The following IQCB1 variants were observed in gnomAD, a reference collection of about 807,000 sequenced individuals.
IQCB1 encodes the protein IQ calmodulin-binding motif-containing protein 1.
In IQCB1, 56 loss-of-function variants were observed where a neutral mutation model predicts 84.4. The ratio of observed to expected loss-of-function variants is 0.66; its 90% CI spans 0.54 to 0.83. IQCB1 has a LOEUF of 0.83. IQCB1 is among the 40% of genes least tolerant of loss of function. IQCB1 has a pLI of 0.00. For synonymous variants in IQCB1, 210 were observed against 234.8 expected (o/e 0.89, Z 0.96); for missense variants, 629 against 682.1 (o/e 0.92, Z 0.87).
At chr3:121,786,207 A>AGAGAAGAG (rs1948730626) in intron 12 of IQCB1, among the ~76,000 whole-genome samples, 2 of 146,506 alleles carry the variant, frequency 1.4e-5, no homozygotes, top group African/African-American at 5.2e-5. Flanking sequence ...AAAGAAAAGA[A>AGAGAAGAG]AAGAAAAGGA....
At chr3:121,815,536 G>C (rs1471917526) in intron 5 of IQCB1, among the ~76,000 whole-genome samples, 1 of 152,116 alleles carries the variant, frequency 6.6e-6, no homozygotes, top group African/African-American at 2.4e-5. Flanking sequence ...ACCTCCTTAA[G>C]CTGATAAGCA....
rs1164982375 is a variant in IQCB1 at position 121,781,980 on chromosome 3, C to CTGGGGGAAA, written c.1279-107_1279-106insTTTCCCCCA. 1.1e-4 allele frequency: 130 copies of CTGGGGGAAA among 1,143,980 alleles called. 1 individual carries two copies. In the East Asian group the frequency reaches 3.0e-3, roughly 26 times the overall value. The allele number at this position is 1,143,980 out of a possible 1,614,324, so 70.9% of individuals were successfully genotyped here. A position where few individuals can be genotyped will look rare whatever the true frequency, so the allele number is the denominator to read the frequency against. ...GATCACATTGCAATAATGATTAACT[C>CTGGGGGAAA]TGAGTGTGTATAAGGAGGGGAATGG... On this transcript the variant is annotated intron_variant, in intron 12 of 14. Transcript: ENST00000310864.
chr3:121,826,641 C>T (rs1289152720), intron 4 of IQCB1, among the ~76,000 whole-genome samples: 8 of 152,110 alleles, frequency 5.3e-5, no homozygotes, highest in Non-Finnish European at 8.8e-5. Flanking sequence ...CCAATTTTAC[C>T]TTCCAATAGA....
At chr3:121,815,840 A>G (rs1436798787) in intron 5 of IQCB1, among the ~76,000 whole-genome samples, 1 of 151,750 alleles carries the variant, frequency 6.6e-6, no homozygotes, top group Non-Finnish European at 1.5e-5. Context: ...TGCCCAAAGT[A>G]ATTTATAGAT....
intron 5 of IQCB1, among the ~76,000 whole-genome samples, chr3:121,821,494 C>T (rs1318849912): frequency 6.6e-6 from 1 of 152,198 alleles, no homozygotes; most frequent in Non-Finnish European, 1.5e-5. Flanking sequence ...GTTCCCTACT[C>T]TTCCCCTTTA....
At chr3:121,787,799 A>C (rs1364496410) in intron 12 of IQCB1, among the ~76,000 whole-genome samples, 1 of 152,168 alleles carries the variant, frequency 6.6e-6, no homozygotes, top group African/African-American at 2.4e-5. Flanking sequence ...ATAATGATCT[A>C]AATATACCTA....
intron 9 of IQCB1, 135 bp downstream of exon 9, chr3:121,796,983 A>C: frequency 1.5e-6 from 1 of 671,646 alleles, no homozygotes; most frequent in Non-Finnish European, 2.7e-6. Flanking sequence ...TGAGTAAAAA[A>C]TTTAAAGATA....
intron 5 of IQCB1, among the ~76,000 whole-genome samples, chr3:121,822,427 G>A (rs542342817): frequency 6.6e-5 from 10 of 152,248 alleles, no homozygotes; most frequent in Admixed American, 2.0e-4. Flanking sequence ...GGAGCTTGGG[G>A]CTGCCAGAAC....
At chr3:121,783,492 T>C (rs571386134) in intron 12 of IQCB1, among the ~76,000 whole-genome samples, 1 of 152,358 alleles carries the variant, frequency 6.6e-6, no homozygotes, top group African/African-American at 2.4e-5. Context: ...TAGTACACTA[T>C]AATTACTTTT....
intron 5 of IQCB1, among the ~76,000 whole-genome samples, chr3:121,821,487 C>T (rs796437572): frequency 5.9e-5 from 9 of 152,266 alleles, no homozygotes; most frequent in African/African-American, 2.2e-4. Flanking sequence ...ATTGGTTGTT[C>T]CCTACTCTTC....
In IQCB1 at chr3:121,834,468, C is replaced by A. The variant is rs533752577; in HGVS notation, c.-90G>T. 1 of 152,364 alleles carries A rather than the reference C, an allele frequency of 6.6e-6. No homozygotes were observed. Among genetic ancestry groups the A allele is most frequent in the South Asian group, 2.1e-4 (1 of 4,826 alleles). 9.4% of individuals were successfully genotyped at this position (152,364 alleles called of 1,614,324 possible). On this transcript the variant is annotated 5_prime_UTR_variant, in exon 2 of 15. The change creates a new upstream start codon in the 5' untranslated region. Transcript: ENST00000310864. The stretch of plus-strand genomic sequence containing the variant: ...TCTCCCTCGCCGCGCCTGTTACTGC[C>A]TCCACGGATCACTGTGAGGAAAATA...
chr3:121,800,013 T>C (rs1949343943), intron 7 of IQCB1, among the ~76,000 whole-genome samples: 1 of 151,856 alleles, frequency 6.6e-6, no homozygotes, highest in African/African-American at 2.4e-5. Flanking sequence ...ACTATTAAAA[T>C]ACTTTACAAT....
At chr3:121,831,557 G>A (rs899583296) in intron 2 of IQCB1, among the ~76,000 whole-genome samples, 1 of 152,088 alleles carries the variant, frequency 6.6e-6, no homozygotes, top group African/African-American at 2.4e-5. Flanking sequence ...ATCAGAAATG[G>A]GGGTCCCTCT....
intron 6 of IQCB1, among the ~76,000 whole-genome samples, chr3:121,808,276 G>T (rs1424957264): frequency 6.6e-6 from 1 of 151,868 alleles, no homozygotes; most frequent in Non-Finnish European, 1.5e-5. Context: ...TGATTCTGAG[G>T]AGAAAAGCTT....
At chr3:121,774,604 G>A (rs905368708) in intron 13 of IQCB1, among the ~76,000 whole-genome samples, 2 of 152,086 alleles carry the variant, frequency 1.3e-5, no homozygotes, top group Non-Finnish European at 1.5e-5. Context: ...AGAAAATTCC[G>A]ACATATGCTA....
intron 2 of IQCB1, among the ~76,000 whole-genome samples, chr3:121,830,105 G>A (rs1225668760): frequency 6.6e-6 from 1 of 152,102 alleles, no homozygotes; most frequent in African/African-American, 2.4e-5. Flanking sequence ...TTACTCAGGA[G>A]GCTGAGGCAG....
chr3:121,807,558 C>T, intron 6 of IQCB1, 115 bp from the exon 7 acceptor site: 1 of 634,814 alleles, frequency 1.6e-6, no homozygotes, highest in South Asian at 1.7e-5. Flanking sequence ...AACTTTCTGA[C>T]TTTGTAGACT....
At chr3:121,785,072 C>A (rs1458249340) in intron 12 of IQCB1, among the ~76,000 whole-genome samples, 5 of 152,190 alleles carry the variant, frequency 3.3e-5, no homozygotes, top group South Asian at 2.1e-4. Flanking sequence ...TGATTTTTCT[C>A]TTTTAGCAAA....
At chr3:121,809,549 G>C (rs765264178) in intron 5 of IQCB1, among the ~76,000 whole-genome samples, 2 of 152,036 alleles carry the variant, frequency 1.3e-5, no homozygotes, top group Non-Finnish European at 2.9e-5. Context: ...GTGTCATTTA[G>C]CTCCCCATAC....
Sources: allele counts gnomAD v4.1 joint callset (sites outside exome capture counted in the v4.1 genomes callset), GRCh38; gene constraint gnomAD v4.1.1; transcripts MANE v1.5; gene names NCBI Gene and HGNC (gene_info 2026-07-23, HGNC 2026-07-21).